Variants in SSH1 observed in about 807,000 individuals in gnomAD.
SSH1 encodes slingshot protein phosphatase 1.
A neutral mutation model predicts 79.7 loss-of-function variants in SSH1; 43 were observed. The observed-to-expected ratio is 0.54, with a 90% CI of 0.42 to 0.70. The LOEUF (loss-of-function observed/expected upper bound fraction) is 0.70, where lower values mean the gene tolerates loss of function less well. SSH1 is among the 30% of genes least tolerant of loss of function. The pLI, the probability that SSH1 is intolerant of heterozygous loss-of-function variation, is 0.00. For synonymous variants in SSH1, 599 were observed against 538.3 expected, an observed-to-expected ratio of 1.11 and a Z score of -1.56; for missense variants, 1,206 against 1,358.8, an observed-to-expected ratio of 0.89 and a Z score of 1.77.
In SSH1 at chr12:108,779,278, G is replaced by T. The variant is rs2036125417; in HGVS notation, c.*8710C>A. ...AATTTCCATTTAAAGGCAAAATATG[G>T]TGAATATGATCTACGGGAAAGAAAC... On this transcript the variant is annotated 3_prime_UTR_variant, in exon 15 of 15. Transcript: ENST00000326495. 6.6e-6 allele frequency: 1 copy of T among 152,206 alleles called. No individual in the cohort carries two copies. Among genetic ancestry groups the T allele is most frequent in the African/African-American group, 2.4e-5 (1 of 41,456 alleles). 9.4% of individuals were successfully genotyped at this position (152,206 alleles called of 1,614,324 possible).
chr12:108,845,992 C>G (rs1446317448), intron 2 of SSH1, among the ~76,000 whole-genome samples: 1 of 152,196 alleles, frequency 6.6e-6, no homozygotes, highest in Admixed American at 6.5e-5. Flanking sequence ...CAATGACATG[C>G]CAACCCCCAT....
Position 108,787,761 on chromosome 12 carries a change from C to A in SSH1, c.*227G>T. 1.7e-6 allele frequency: 1 copy of A among 593,110 alleles called. No individual in the cohort carries two copies. The highest frequency in any genetic ancestry group is 3.0e-6 in the Non-Finnish European group (1 of 338,702). 36.7% of individuals were successfully genotyped at this position (593,110 alleles called of 1,614,324 possible). A position where few individuals can be genotyped will look rare whatever the true frequency, so the allele number is the denominator to read the frequency against. On this transcript the variant is annotated 3_prime_UTR_variant, in exon 15 of 15. Transcript: ENST00000326495. ...GGAGCGGAGTTTTGTGTCTCCTGGC[C>A]GGCGGCTCCTGGTTCTCCCAGGCCA...
At chr12:108,812,455 A>T (rs905205531) in intron 5 of SSH1, among the ~76,000 whole-genome samples, 3 of 152,200 alleles carry the variant, frequency 2.0e-5, no homozygotes, top group African/African-American at 7.2e-5. Context: ...AGGAACTCAT[A>T]AGGAGGTGGG....
At chr12:108,851,862 A>G (rs1305714443) in intron 2 of SSH1, among the ~76,000 whole-genome samples, 1 of 152,118 alleles carries the variant, frequency 6.6e-6, no homozygotes, top group African/African-American at 2.4e-5. Flanking sequence ...GAGTGTCATG[A>G]TTATTACTTT....
In SSH1 at chr12:108,798,998, A is replaced by G; in HGVS notation, c.1349+2T>C. 6.2e-7 allele frequency: 1 copy of G among 1,612,420 alleles called. No homozygotes were observed. The highest frequency in any genetic ancestry group is 2.2e-5 in the East Asian group (1 of 44,882). On this transcript the variant is annotated splice_donor_variant, in intron 13 of 14. Transcript: ENST00000326495. LOFTEE classifies it high-confidence loss of function. ...AACCCTTCTCTCCAGGCAGGCACCC[A>G]CCTTGCATCCAAGATGCCTTCATAC...
At chr12:108,799,876 G>A (rs978277280) in intron 12 of SSH1, among the ~76,000 whole-genome samples, 4 of 152,224 alleles carry the variant, frequency 2.6e-5, no homozygotes, top group Admixed American at 2.0e-4. Flanking sequence ...GCTCAAGAAT[G>A]TGAAGGAGCG....
chr12:108,811,630 C>A, intron 5 of SSH1: 1 of 455,264 alleles, frequency 2.2e-6, no homozygotes, highest in Non-Finnish European at 4.1e-6. Flanking sequence ...CACATGTGTA[C>A]TTGGGGGTAC....
rs960445788 is a variant in SSH1, at chr12:108,785,773, A to T, written c.*2215T>A. On this transcript the variant is annotated 3_prime_UTR_variant, in exon 15 of 15. Coordinates refer to ENST00000326495, the MANE Select transcript of SSH1 (RefSeq NM_018984.4). Reference sequence around the variant, plus strand: ...TAGACGTGGTTAAAAAACCAACAAAAGCCTGTCATCACTAAATTTAAAAGA... The same window carrying T: ...TAGACGTGGTTAAAAAACCAACAAATGCCTGTCATCACTAAATTTAAAAGA... The T allele has an allele frequency of 6.6e-6, 1 of 152,210 alleles. No homozygotes were observed. Among genetic ancestry groups the T allele is most frequent in the African/African-American group, 2.4e-5 (1 of 41,442 alleles). 9.4% of individuals were successfully genotyped at this position (152,210 alleles called of 1,614,324 possible).
intron 11 of SSH1, among the ~76,000 whole-genome samples, chr12:108,802,113 C>T (rs997920238): frequency 7.9e-5 from 12 of 152,338 alleles, no homozygotes; most frequent in African/African-American, 2.6e-4. Context: ...CGCGAGACTT[C>T]GGCACAATCT....
In SSH1 at chr12:108,806,364, G is replaced by A. The variant is rs1751661703; in HGVS notation, c.762C>T (p.Leu254=). 1 of 1,614,178 alleles carries A rather than the reference G, an allele frequency of 6.2e-7. No individual in the cohort carries two copies. Among genetic ancestry groups the A allele is most frequent in the Non-Finnish European group, 8.5e-7 (1 of 1,180,036 alleles). The change falls in exon 9 of 15, where the codon CTC becomes CTT. Residue 254 remains leucine (L), a synonymous_variant. Coordinates refer to ENST00000326495, the MANE Select transcript of SSH1 (RefSeq NM_018984.4). ...KPTEGERTER[L]IKAKLRSIMM... is the part of the protein sequence containing the mutation. ...TGATGCTTCGGAGCTTGGCTTTGAT[G>A]AGGCGCTCGGTCCTTTCCCCTTCAG...
chr12:108,810,989 A>G (rs921911929), intron 6 of SSH1, among the ~76,000 whole-genome samples: 12 of 152,232 alleles, frequency 7.9e-5, no homozygotes, highest in African/African-American at 2.9e-4. Context: ...GCGGATGGGT[A>G]TCGGTTTACC....
chr12:108,807,566 G>C lies in SSH1; in HGVS notation c.731+67C>G, dbSNP rs1593049979. On this transcript the variant is annotated intron_variant, in intron 8 of 14. Transcript: ENST00000326495. The surrounding 1 kb of genome is among the most constrained non-coding windows in gnomAD (Gnocchi z 5.2). The stretch of plus-strand genomic sequence containing the variant: ...CAATGCAGGTTCAGGGTCGGGCACA[G>C]GGCAGGTGGGGGAGAGGCAGGTGCC... 6.5e-7 allele frequency: 1 copy of C among 1,529,154 alleles called. No individual in the cohort carries two copies. The highest frequency in any genetic ancestry group is 2.3e-5 in the East Asian group (1 of 44,170). 94.7% of individuals were successfully genotyped at this position (1,529,154 alleles called of 1,614,324 possible). A position where few individuals can be genotyped will look rare whatever the true frequency, so the allele number is the denominator to read the frequency against.
At chr12:108,805,920 C>T (rs2037247381) in intron 9 of SSH1, among the ~76,000 whole-genome samples, 1 of 151,956 alleles carries the variant, frequency 6.6e-6, no homozygotes, top group Non-Finnish European at 1.5e-5. Context: ...AATAAGTCTG[C>T]TGTCTCTTCC....
Position 108,788,297 on chromosome 12 carries a change from C to G in SSH1, c.2841G>C (p.Lys947Asn), listed in dbSNP as rs747981755. 1.2e-6 allele frequency: 2 copies of G among 1,613,584 alleles called. No homozygotes were observed. The highest frequency in any genetic ancestry group is 4.5e-5 in the East Asian group (2 of 44,878). ...SSDSIHSVRG[K>N]PGLVKQRTQE... ...GTGTCCGCTGCTTCACCAGCCCGGG[C>G]TTCCCACGGACACTGTGGATGCTAT... The change falls in exon 15 of 15, where the codon AAG (lysine) becomes AAC (asparagine). Residue 947 changes from lysine to asparagine, a missense_variant. Lys to Asn is a moderately conservative substitution (Grantham distance 94). Coordinates refer to ENST00000326495, the MANE Select transcript of SSH1 (RefSeq NM_018984.4).
chr12:108,804,169 C>A (rs1442134161), intron 10 of SSH1, among the ~76,000 whole-genome samples: 1 of 152,234 alleles, frequency 6.6e-6, no homozygotes, highest in Non-Finnish European at 1.5e-5. Flanking sequence ...CTATCCTCCC[C>A]CTCAGCCTCC....
intron 2 of SSH1, among the ~76,000 whole-genome samples, chr12:108,843,233 A>T (rs1300375694): frequency 2.6e-5 from 4 of 152,136 alleles, no homozygotes; most frequent in African/African-American, 9.7e-5. Context: ...ATCTAACAGC[A>T]CCGATATTAC....
intron 1 of SSH1, chr12:108,853,468 AAG>A (rs1193126450): frequency 4.2e-6 from 2 of 472,974 alleles, no homozygotes; most frequent in East Asian, 3.1e-4. Context: ...TTGAATGGGA[AAG>A]AGAAACCTGG....
At chr12:108,811,666 C>T (rs1250563482) in intron 5 of SSH1, 4 of 399,564 alleles carry the variant, frequency 1.0e-5, no homozygotes, top group South Asian at 2.2e-5. Flanking sequence ...CAGCCAAGCC[C>T]GGCCTGGCCT....
rs948917513 is a variant in SSH1 at position 108,779,161 on chromosome 12, G to A, written c.*8827C>T. 6.6e-6 allele frequency: 1 copy of A among 152,098 alleles called. No homozygotes were observed. Among genetic ancestry groups the A allele is most frequent in the Non-Finnish European group, 1.5e-5 (1 of 68,018 alleles). 9.4% of individuals were successfully genotyped at this position (152,098 alleles called of 1,614,324 possible). A position where few individuals can be genotyped will look rare whatever the true frequency, so the allele number is the denominator to read the frequency against. On this transcript the variant is annotated 3_prime_UTR_variant, in exon 15 of 15. Coordinates refer to ENST00000326495, the MANE Select transcript of SSH1 (RefSeq NM_018984.4). Reference sequence around the variant, plus strand: ...TCTCCTAGGCTGGGAGGTTGCTAATGTAAATGCCACACTGTATTTGCTGAA... The same window carrying A: ...TCTCCTAGGCTGGGAGGTTGCTAATATAAATGCCACACTGTATTTGCTGAA...
Sources: allele counts gnomAD v4.1 joint callset (sites outside exome capture counted in the v4.1 genomes callset), GRCh38; gene constraint gnomAD v4.1.1; non-coding constraint Gnocchi (gnomAD v3.1); transcripts MANE v1.5; gene names NCBI Gene and HGNC (gene_info 2026-07-23, HGNC 2026-07-21).